ARHGAP24: variants seen among roughly 807,000 people sequenced by gnomAD.
ARHGAP24 encodes the protein Rho GTPase activating protein 24.
ARHGAP24 carries 50 observed loss-of-function variants against 76.4 expected under a neutral mutation model. The observed-to-expected ratio is 0.65, with a 90% confidence interval of 0.52 to 0.83. The LOEUF (loss-of-function observed/expected upper bound fraction) is 0.83, where lower values mean the gene tolerates loss of function less well. Ranked by LOEUF, ARHGAP24 falls within the 40% of genes least tolerant of loss-of-function variation. The pLI, the probability that ARHGAP24 is intolerant of heterozygous loss-of-function variation, is 0.00. For missense variants in ARHGAP24, 930 were observed against 914.2 expected, an observed-to-expected ratio of 1.02 and a Z score of -0.22; for synonymous variants, 345 against 323.3, an observed-to-expected ratio of 1.07 and a Z score of -0.72.
Position 85,925,496 on chromosome 4 carries a change from G to GA in ARHGAP24, c.391+1735dup, listed in dbSNP as rs148515823. 1.4e-4 allele frequency among the ~76,000 whole-genome samples: 21 copies of GA among 151,064 alleles called. No individual in the cohort carries two copies. The South Asian group carries it at 3.8e-3, about 27-fold the overall frequency. ...AAAAGGTAAAAAATTCCTGATTTAAGAAAAAAAAAGTTGTATGCTAAGGTT... is the reference window on the plus strand; with the variant it reads ...AAAAGGTAAAAAATTCCTGATTTAAGAAAAAAAAAAGTTGTATGCTAAGGTT... On this transcript the variant is annotated intron_variant, in intron 4 of 9. Transcript: ENST00000395184.
At chr4:85,722,195 C>T in intron 3 of ARHGAP24, 1 of 478,238 alleles carries the variant, frequency 2.1e-6, no homozygotes. Flanking sequence ...TTTCATTTGT[C>T]CATGAGACTC....
intron 3 of ARHGAP24, chr4:85,722,458 G>A (rs1724990098): frequency 5.7e-6 from 1 of 174,114 alleles, no homozygotes; most frequent in Admixed American, 5.6e-5. Flanking sequence ...TACTGACCAA[G>A]TATTACAGTT....
chr4:85,727,080 C>G (rs13127367), intron 3 of ARHGAP24, among the ~76,000 whole-genome samples: 22,873 of 151,752 alleles, frequency 0.15, 2,383 homozygotes, highest in East Asian at 0.55. Context: ...ATTAGCTGGG[C>G]GTGTTGGTGG....
chr4:85,923,903 C>A, intron 4 of ARHGAP24, 133 bp downstream of exon 4: 2 of 1,339,360 alleles, frequency 1.5e-6, no homozygotes, highest in Non-Finnish European at 2.1e-6. Flanking sequence ...AATTGTTCAA[C>A]ATTATTGTTA....
At position 85,721,960 on chromosome 4, in the gene ARHGAP24, G is replaced by T; in HGVS notation, c.256G>T (p.Glu86Ter). Reference protein sequence around the residue: ...NEENPGKFLFEVVPGGDRDRM... With the variant: ...NEENPGKFLF ...AGAGAACCCAGGGAAGTTCCTTTTT[G>T]AAGTAGTTCCAGGTAAGATATTTTC... Residue 86 changes from glutamate (E) to a stop codon, truncating the protein, a stop_gained, in exon 3 of 10, where the codon GAA (glutamate) becomes TAA (stop). Transcript: ENST00000395184. LOFTEE classifies it high-confidence loss of function. 6.2e-7 allele frequency: 1 copy of T among 1,613,130 alleles called. No homozygotes were observed. The highest frequency in any genetic ancestry group is 1.1e-5 in the South Asian group (1 of 91,062).
Position 85,923,706 on chromosome 4 carries a change from C to G in ARHGAP24, c.327C>G (p.Thr109=). ...NHESYLLMAS[T]QNDMEDWVKS... Reference sequence around the variant, plus strand: ...AAAGCTACCTCCTCATGGCAAGCACCCAGAATGATATGGAAGACTGGGTGA... The same window carrying G: ...AAAGCTACCTCCTCATGGCAAGCACGCAGAATGATATGGAAGACTGGGTGA... The change falls in exon 4 of 10, where the codon ACC becomes ACG. Residue 109 remains threonine, a synonymous_variant. Transcript: ENST00000395184. The G allele has an allele frequency of 1.9e-6, 3 of 1,613,868 alleles. No individual in the cohort carries two copies. Among genetic ancestry groups the G allele is most frequent in the Non-Finnish European group, 1.7e-6 (2 of 1,179,938 alleles).
At chr4:85,478,464 C>T (rs914708143) in intron 1 of ARHGAP24, among the ~76,000 whole-genome samples, 7 of 152,140 alleles carry the variant, frequency 4.6e-5, no homozygotes, top group African/African-American at 1.7e-4. Context: ...GATGAAGAAT[C>T]AAAGAATATT....
chr4:85,719,858 C>T (rs1361355135), intron 2 of ARHGAP24, among the ~76,000 whole-genome samples: 3 of 151,992 alleles, frequency 2.0e-5, no homozygotes, highest in Non-Finnish European at 4.4e-5. Context: ...AGAATCTATG[C>T]AAGTATATTT....
chr4:85,908,908 C>T (rs1220522925), intron 3 of ARHGAP24, among the ~76,000 whole-genome samples: 1 of 151,846 alleles, frequency 6.6e-6, no homozygotes, highest in African/African-American at 2.4e-5. Flanking sequence ...TTTTAATGCT[C>T]AGGATGTTGT....
At chr4:85,930,399 A>C in intron 4 of ARHGAP24, 3 of 986,262 alleles carry the variant, frequency 3.0e-6, no homozygotes, top group Non-Finnish European at 2.4e-6. Flanking sequence ...CTTTCTGGAG[A>C]AGGTGCCATT....
At chr4:85,618,869 G>T (rs755797455) in intron 2 of ARHGAP24, among the ~76,000 whole-genome samples, 34 of 152,046 alleles carry the variant, frequency 2.2e-4, no homozygotes, top group Admixed American at 1.2e-3. Flanking sequence ...ATATGTTTTT[G>T]ATATTAACGC....
At chr4:85,757,054 G>C (rs1228596601) in intron 3 of ARHGAP24, among the ~76,000 whole-genome samples, 1 of 152,016 alleles carries the variant, frequency 6.6e-6, no homozygotes. Context: ...TATTTCTCTA[G>C]AGGCCAGATA....
At chr4:85,771,477 G>A (rs567764827) in intron 3 of ARHGAP24, among the ~76,000 whole-genome samples, 1 of 152,206 alleles carries the variant, frequency 6.6e-6, no homozygotes, top group African/African-American at 2.4e-5. Flanking sequence ...ACTCACATAG[G>A]TGAGGGCCAT....
intron 3 of ARHGAP24, among the ~76,000 whole-genome samples, chr4:85,905,900 C>G (rs1316865415): frequency 6.6e-6 from 1 of 152,094 alleles, no homozygotes; most frequent in Non-Finnish European, 1.5e-5. Flanking sequence ...TTGGTTTGTT[C>G]GTGGCACTGT....
chr4:85,929,945 G>A (rs1736231078), intron 4 of ARHGAP24, among the ~76,000 whole-genome samples: 1 of 152,200 alleles, frequency 6.6e-6, no homozygotes, highest in South Asian at 2.1e-4. Context: ...CTGTAAAAGT[G>A]CTACACAAGA....
chr4:85,838,607 A>C (rs781214993), intron 3 of ARHGAP24, among the ~76,000 whole-genome samples: 16 of 152,222 alleles, frequency 1.1e-4, no homozygotes, highest in Non-Finnish European at 2.9e-5. Flanking sequence ...TCAAAGAAAA[A>C]GGCCAAAATA....
chr4:85,752,467 TAA>T (rs33922364), intron 3 of ARHGAP24, among the ~76,000 whole-genome samples: 145,661 of 152,122 alleles, frequency 0.96, 70,082 homozygotes, highest in East Asian at 1. Context: ...CTTGTTACAT[TAA>T]AAAAAAAAAC....
intron 1 of ARHGAP24, among the ~76,000 whole-genome samples, chr4:85,499,826 A>T (rs1295842675): frequency 6.6e-6 from 1 of 152,214 alleles, no homozygotes; most frequent in East Asian, 1.9e-4. Context: ...TGAATGAGGA[A>T]CAGAGTTTTT....
chr4:85,994,829 C>G lies in ARHGAP24; in HGVS notation c.1175C>G (p.Pro392Arg). 1 of 1,614,076 alleles carries G rather than the reference C, an allele frequency of 6.2e-7. No homozygotes were observed. Among genetic ancestry groups the G allele is most frequent in the East Asian group, 2.2e-5 (1 of 44,868 alleles). ...AGAAGCAGCATGAACAATGGATCCC[C>G]CACAGCTCTATCAGGCAGCAAAACC... ...PQRSSMNNGS[P>R]TALSGSKTNS... Residue 392 changes from proline (P) to arginine (R), a missense_variant, in exon 9 of 10, where the codon CCC becomes CGC. Transcript: ENST00000395184.
Sources: gnomAD v4.1 joint callset for allele counts (sites outside exome capture counted in the v4.1 genomes callset) on GRCh38, gnomAD v4.1.1 for gene constraint, MANE v1.5 for transcripts, NCBI Gene and HGNC (gene_info 2026-07-23, HGNC 2026-07-21) for gene names.